MEF2C: variants seen among roughly 807,000 people sequenced by gnomAD.
MEF2C encodes the protein myocyte enhancer factor 2C.
In MEF2C, 6 loss-of-function variants were observed where a neutral mutation model predicts 50.5. That is an observed-to-expected ratio of 0.12 (90% CI 0.07 to 0.23). The LOEUF is 0.23. Ranked by LOEUF, MEF2C falls within the 10% of genes least tolerant of loss-of-function variation. The probability of loss-of-function intolerance (pLI) is 1.00; values close to 1 mark genes in which losing one functional copy is unlikely to be tolerated. For synonymous variants in MEF2C, 183 were observed against 228.0 expected (o/e 0.80, Z 1.78); for missense variants, 276 against 605.0 (o/e 0.46, Z 5.70).
At chr5:88,755,577 G>A (rs1046645079) in intron 4 of MEF2C, among the ~76,000 whole-genome samples, 2 of 152,128 alleles carry the variant, frequency 1.3e-5, no homozygotes, top group African/African-American at 4.8e-5. Flanking sequence ...CTACACTGGA[G>A]TGTCTCAGGT....
At chr5:88,730,748 T>C (rs550630256) in intron 7 of MEF2C, among the ~76,000 whole-genome samples, 19 of 152,302 alleles carry the variant, frequency 1.2e-4, no homozygotes, top group Non-Finnish European at 2.2e-4. Flanking sequence ...GCATATTATG[T>C]GATGTTTTTG....
intron 1 of MEF2C, among the ~76,000 whole-genome samples, chr5:88,851,411 C>T (rs1821314521): frequency 6.6e-6 from 1 of 152,000 alleles, no homozygotes; most frequent in Non-Finnish European, 1.5e-5. Context: ...GTCAGTAACC[C>T]TAACCTCCAC....
At chr5:88,873,307 G>T (rs1401153202) in intron 1 of MEF2C, among the ~76,000 whole-genome samples, 1 of 151,964 alleles carries the variant, frequency 6.6e-6, no homozygotes, top group African/African-American at 2.4e-5. Context: ...ACATGGCATT[G>T]GGCTGTGATG....
At chr5:88,864,697 C>A (rs1361821941) in intron 1 of MEF2C, among the ~76,000 whole-genome samples, 4 of 151,994 alleles carry the variant, frequency 2.6e-5, no homozygotes, top group Middle Eastern at 3.2e-3. Context: ...CTCAAGAGAT[C>A]CTCCAGCCTC....
intron 1 of MEF2C, among the ~76,000 whole-genome samples, chr5:88,899,343 G>C (rs1179875283): frequency 3.3e-5 from 5 of 152,134 alleles, no homozygotes; most frequent in African/African-American, 9.7e-5. Context: ...AGTCATTGCA[G>C]ACAGGAACCC....
chr5:88,843,431 G>A (rs1025886485), intron 1 of MEF2C: 10 of 984,816 alleles, frequency 1.0e-5, no homozygotes, highest in Admixed American at 6.2e-5. Flanking sequence ...GAATTCTATT[G>A]AGACATTGCA....
At chr5:88,780,960 T>C in intron 3 of MEF2C, 1 of 985,064 alleles carries the variant, frequency 1.0e-6, no homozygotes, top group Non-Finnish European at 1.2e-6. Flanking sequence ...CCTAATGCTA[T>C]CTACCAGAGT....
upstream of MEF2C, among the ~76,000 whole-genome samples, chr5:88,886,914 T>C (rs1279856337): frequency 1.3e-5 from 2 of 152,206 alleles, no homozygotes; most frequent in Non-Finnish European, 2.9e-5. Flanking sequence ...ACTACTTCCC[T>C]ACATTAAAGC....
At chr5:88,743,370 A>T in intron 6 of MEF2C, 3 of 985,392 alleles carry the variant, frequency 3.0e-6, no homozygotes, top group Non-Finnish European at 3.6e-6. Context: ...GGCCAATAAG[A>T]AAGTCAGCCA....
At chr5:88,765,829 T>TA (rs1440125778) in intron 3 of MEF2C, among the ~76,000 whole-genome samples, 1 of 152,204 alleles carries the variant, frequency 6.6e-6, no homozygotes, top group African/African-American at 2.4e-5. Context: ...CTTCTCTCCT[T>TA]ACGTATCTGA....
intron 2 of MEF2C, among the ~76,000 whole-genome samples, chr5:88,810,090 C>T (rs756531432): frequency 1.1e-4 from 17 of 151,996 alleles, no homozygotes; most frequent in Non-Finnish European, 2.2e-4. Context: ...CTTTGCTGAA[C>T]GAATGGATTA....
chr5:88,734,356 A>G, intron 6 of MEF2C: 1 of 985,274 alleles, frequency 1.0e-6, no homozygotes, highest in Non-Finnish European at 1.2e-6. Flanking sequence ...GGGGGAGAAA[A>G]AAGTCTGTTA....
At chr5:88,742,618 C>CT (rs536156071) in intron 6 of MEF2C, 3 of 985,262 alleles carry the variant, frequency 3.0e-6, no homozygotes, top group South Asian at 9.4e-5. Context: ...CTAAAATTTT[C>CT]TTTTTTTCCT....
chr5:88,768,413 C>T (rs1218834823), intron 3 of MEF2C, among the ~76,000 whole-genome samples: 3 of 152,102 alleles, frequency 2.0e-5, no homozygotes, highest in Non-Finnish European at 4.4e-5. Flanking sequence ...GGGTCCAGAC[C>T]CCTTGATACA....
At chr5:88,842,949 G>A (rs1426139132) in intron 1 of MEF2C, among the ~76,000 whole-genome samples, 3 of 152,108 alleles carry the variant, frequency 2.0e-5, no homozygotes, top group Admixed American at 1.3e-4. Context: ...GAGAGGGCAC[G>A]TGATGATGCT....
intron 1 of MEF2C, among the ~76,000 whole-genome samples, chr5:88,894,406 A>G (rs1037664066): frequency 1.3e-5 from 2 of 152,234 alleles, no homozygotes; most frequent in African/African-American, 4.8e-5. Flanking sequence ...TTTCAGAAAT[A>G]CATATCTAAA....
At chr5:88,734,561 G>GTTTTTTTTTTTTTTTTTTTTTTTT (rs1554103551) in intron 6 of MEF2C, 7 of 244,260 alleles carry the variant, frequency 2.9e-5, no homozygotes, top group African/African-American at 1.1e-4. Context: ...CTTGAGAAAA[G>GTTTTTTTTTTTTTTTTTTTTTTTT]TTTGTTTTTT....
At chr5:88,777,907 T>C (rs1028136157) in intron 3 of MEF2C, among the ~76,000 whole-genome samples, 114 of 135,450 alleles carry the variant, frequency 8.4e-4, no homozygotes, top group African/African-American at 3.2e-3. Context: ...TTCTTTTTTT[T>C]TTTTTTTTTT....
chr5:88,864,949 G>A (rs1416296854), intron 1 of MEF2C, among the ~76,000 whole-genome samples: 1 of 152,012 alleles, frequency 6.6e-6, no homozygotes, highest in African/African-American at 2.4e-5. Flanking sequence ...TGTATTTTTA[G>A]TACAGACGGG....
Sources: gnomAD v4.1 joint callset for allele counts (sites outside exome capture counted in the v4.1 genomes callset) on GRCh38, gnomAD v4.1.1 for gene constraint, MANE v1.5 for transcripts, NCBI Gene and HGNC (gene_info 2026-07-23, HGNC 2026-07-21) for gene names.